PRRG1: variants seen among roughly 807,000 people sequenced by gnomAD.
PRRG1 encodes the protein proline rich and Gla domain 1, also known as transmembrane gamma-carboxyglutamic acid protein 1.
In PRRG1, 5 loss-of-function variants were observed where a neutral mutation model predicts 11.8. The ratio of observed to expected loss-of-function variants is 0.42; its 90% CI spans 0.22 to 0.89. The LOEUF is 0.89. Ranked by LOEUF, PRRG1 falls within the 40% of genes least tolerant of loss-of-function variation. PRRG1 has a pLI of 0.28. For synonymous variants in PRRG1, 66 were observed against 60.4 expected, an observed-to-expected ratio of 1.09 and a Z score of -0.43; for missense variants, 155 against 166.1, an observed-to-expected ratio of 0.93 and a Z score of 0.37.
chrX:37,353,144 T>C (rs782469200), intron 1 of PRRG1, among the ~76,000 whole-genome samples: 2 of 111,875 alleles, frequency 1.8e-5, no homozygotes, highest in Non-Finnish European at 3.8e-5. Flanking sequence ...CCTGAAAACC[T>C]TCCAGTGGAA....
chrX:37,351,719 A>G (rs1930073642), intron 1 of PRRG1, among the ~76,000 whole-genome samples: 1 of 111,791 alleles, frequency 8.9e-6, no homozygotes, highest in African/African-American at 3.3e-5. Flanking sequence ...AAGGGAAAAT[A>G]GGGATCAGAA....
intron 2 of PRRG1, among the ~76,000 whole-genome samples, chrX:37,420,182 C>T (rs1025011283): frequency 7.2e-5 from 8 of 111,114 alleles, no homozygotes; most frequent in Admixed American, 6.7e-4. Flanking sequence ...GAATAAGTGA[C>T]GCTTAGGTTT....
chrX:37,350,524 A>G (rs781876211), intron 1 of PRRG1, among the ~76,000 whole-genome samples: 1 of 111,704 alleles, frequency 9.0e-6, no homozygotes, highest in East Asian at 2.8e-4. Context: ...GACTCACTTT[A>G]GAACCTTTGA....
chrX:37,441,718 C>T, intron 3 of PRRG1: 1 of 792,016 alleles, frequency 1.3e-6, no homozygotes. Context: ...GAAGAGGGAG[C>T]ACGTCCAGGA....
chrX:37,419,924 C>T (rs1759867277), intron 2 of PRRG1, among the ~76,000 whole-genome samples: 2 of 112,112 alleles, frequency 1.8e-5, no homozygotes, highest in Admixed American at 1.9e-4. Flanking sequence ...AACTCCCAGG[C>T]ATTCCTGAAG....
chrX:37,355,461 AAGAAAAAGACTGG>A (rs1253699897), intron 1 of PRRG1, among the ~76,000 whole-genome samples: 1 of 111,970 alleles, frequency 8.9e-6, no homozygotes, highest in African/African-American at 3.3e-5. Context: ...AGGAGAATAG[AAGAAAAAGACTGG>A]AGTTTGAAGA....
chrX:37,413,291 C>G (rs1602015538), intron 2 of PRRG1, among the ~76,000 whole-genome samples: 1 of 110,946 alleles, frequency 9.0e-6, no homozygotes, highest in African/African-American at 3.3e-5. Flanking sequence ...AAAAAATCCT[C>G]TGTGTGCCAC....
chrX:37,433,568 G>GT (rs66691045), intron 3 of PRRG1, among the ~76,000 whole-genome samples: 225 of 100,233 alleles, frequency 2.2e-3, no homozygotes, highest in Non-Finnish European at 3.9e-3. Flanking sequence ...ACATCTATTT[G>GT]TTTTTTTTTT....
intron 1 of PRRG1, among the ~76,000 whole-genome samples, chrX:37,382,693 T>C (rs1326638349): frequency 3.1e-5 from 3 of 96,612 alleles, no homozygotes; most frequent in African/African-American, 1.6e-4. Flanking sequence ...GCTCAACTCA[T>C]TAAAATATCT....
intron 3 of PRRG1, among the ~76,000 whole-genome samples, chrX:37,446,739 T>C (rs1933084011): frequency 1.8e-5 from 2 of 111,828 alleles, no homozygotes; most frequent in Non-Finnish European, 1.9e-5. Context: ...TAGTATCTGC[T>C]CAGATTCTGG....
chrX:37,367,991 G>A lies in PRRG1; in HGVS notation c.-42+18596G>A, dbSNP rs782810638. Among the ~76,000 whole-genome samples the A allele has an allele frequency of 7.2e-5, 8 of 111,839 alleles. No homozygotes were observed. In the East Asian group the frequency reaches 2.2e-3, roughly 31 times the overall value. On this transcript the variant is annotated intron_variant, in intron 1 of 3. Transcript: ENST00000378628. ...GTTTTGATGAACCTCGAACTTGAGGGTGGTCCTGGGTTCCCCAAAACTGTA... is the reference window on the plus strand; with the variant it reads ...GTTTTGATGAACCTCGAACTTGAGGATGGTCCTGGGTTCCCCAAAACTGTA...
At chrX:37,446,281 G>A (rs142524690) in intron 3 of PRRG1, among the ~76,000 whole-genome samples, 1,306 of 111,452 alleles carry the variant, frequency 0.012, 19 homozygotes, top group African/African-American at 0.04. Flanking sequence ...ATTTTTTGGG[G>A]GGTTGGTGAG....
chrX:37,404,829 ACTT>A (rs1337117305), intron 1 of PRRG1, among the ~76,000 whole-genome samples: 1 of 111,868 alleles, frequency 8.9e-6, no homozygotes, highest in Non-Finnish European at 1.9e-5. Context: ...AGCCCCCTTG[ACTT>A]CTTTCTTGAT....
At chrX:37,447,830 C>A (rs981707487) in intron 3 of PRRG1, among the ~76,000 whole-genome samples, 3 of 112,472 alleles carry the variant, frequency 2.7e-5, no homozygotes, top group Non-Finnish European at 5.6e-5. Context: ...CACATCCATA[C>A]CATAGCACTT....
intron 1 of PRRG1, among the ~76,000 whole-genome samples, chrX:37,369,187 A>G (rs1322035066): frequency 8.9e-6 from 1 of 112,379 alleles, no homozygotes; most frequent in Non-Finnish European, 1.9e-5. Context: ...CTATGTAAAT[A>G]ACTTCTAGCA....
At chrX:37,356,027 C>G (rs1186060740) in intron 1 of PRRG1, among the ~76,000 whole-genome samples, 1 of 112,293 alleles carries the variant, frequency 8.9e-6, no homozygotes, top group East Asian at 2.8e-4. Flanking sequence ...GGCCAGGCAT[C>G]CTTCTAAACA....
intron 1 of PRRG1, among the ~76,000 whole-genome samples, chrX:37,390,614 C>T (rs1467103243): frequency 1.8e-5 from 2 of 112,050 alleles, no homozygotes; most frequent in East Asian, 5.6e-4. Flanking sequence ...CACTCCTTTC[C>T]TCACTCTGCT....
In PRRG1 at chrX:37,422,188, T is replaced by C. The variant is rs537272013; in HGVS notation, c.11-3652T>C. ...TGGATAGCATATAAGAAAGTAATTA[T>C]CTCTTAGAAGCATTTAGCTTTTTTC... On this transcript the variant is annotated intron_variant, in intron 2 of 3. Coordinates refer to ENST00000378628, the MANE Select transcript of PRRG1 (RefSeq NM_001142395.2). Among the ~76,000 whole-genome samples the C allele has an allele frequency of 9.4e-4, 105 of 112,221 alleles. 1 individual carries two copies. The South Asian group carries it at 0.038, about 40-fold the overall frequency.
chrX:37,432,156 C>T (rs1158456261), intron 3 of PRRG1, among the ~76,000 whole-genome samples: 2 of 107,710 alleles, frequency 1.9e-5, no homozygotes, highest in East Asian at 2.9e-4. Context: ...GGCGCAATCT[C>T]AGCTCACTGC....
Sources: gnomAD v4.1 joint callset for allele counts (sites outside exome capture counted in the v4.1 genomes callset) on GRCh38, gnomAD v4.1.1 for gene constraint, MANE v1.5 for transcripts, NCBI Gene and HGNC (gene_info 2026-07-23, HGNC 2026-07-21) for gene names.